Variants in SPICE1 observed in about 807,000 individuals in gnomAD.
SPICE1 encodes spindle and centriole-associated protein 1.
In SPICE1, 75 loss-of-function variants were observed where a neutral mutation model predicts 102.7. The ratio of observed to expected loss-of-function variants is 0.73; its 90% CI spans 0.61 to 0.88. The LOEUF is 0.88. Ranked by LOEUF, SPICE1 falls within the 40% of genes least tolerant of loss-of-function variation. The pLI, the probability that SPICE1 is intolerant of heterozygous loss-of-function variation, is 0.00. For synonymous variants in SPICE1, 308 were observed against 350.3 expected (o/e 0.88, Z 1.35); for missense variants, 979 against 1,020.1 (o/e 0.96, Z 0.55).
intron 7 of SPICE1, among the ~76,000 whole-genome samples, chr3:113,483,357 A>G (rs1312208038): frequency 6.6e-6 from 1 of 152,184 alleles, no homozygotes; most frequent in Non-Finnish European, 1.5e-5. Flanking sequence ...GCAAACAGAG[A>G]CAGTTTGACT....
intron 14 of SPICE1, among the ~76,000 whole-genome samples, chr3:113,450,988 AC>A (rs1935639701): frequency 6.6e-6 from 1 of 152,240 alleles, no homozygotes; most frequent in African/African-American, 2.4e-5. Flanking sequence ...GCAGAGCTGC[AC>A]AAAAGATCAC....
chr3:113,489,450 A>T (rs565094884), intron 6 of SPICE1, among the ~76,000 whole-genome samples: 20 of 152,088 alleles, frequency 1.3e-4, no homozygotes, highest in Non-Finnish European at 2.1e-4. Flanking sequence ...CTCTACTCAA[A>T]CTGCTCTCTA....
intron 7 of SPICE1, among the ~76,000 whole-genome samples, chr3:113,473,539 A>T (rs1187309090): frequency 1.3e-5 from 2 of 152,232 alleles, no homozygotes; most frequent in African/African-American, 4.8e-5. Context: ...CCAGAGAGAA[A>T]GGTCGGGTTA....
intron 1 of SPICE1, among the ~76,000 whole-genome samples, chr3:113,510,722 T>C (rs1327316927): frequency 6.6e-6 from 1 of 152,086 alleles, no homozygotes; most frequent in Admixed American, 6.6e-5. Flanking sequence ...GATTTCATGA[T>C]GAAAATGTCA....
chr3:113,513,700 A>G (rs1937263741), intron 1 of SPICE1, among the ~76,000 whole-genome samples: 1 of 152,180 alleles, frequency 6.6e-6, no homozygotes, highest in South Asian at 2.1e-4. Context: ...TTCCCTAAAA[A>G]TCTCTCTTGC....
In SPICE1 at chr3:113,468,456, G is replaced by C. The variant is rs1254732019; in HGVS notation, c.890-52C>G. The C allele has an allele frequency of 3.9e-6, 6 of 1,557,884 alleles. No homozygotes were observed. In the Admixed American group the frequency reaches 9.1e-5, roughly 24 times the overall value. On this transcript the variant is annotated intron_variant, in intron 9 of 17. Coordinates refer to ENST00000295872, the MANE Select transcript of SPICE1 (RefSeq NM_144718.4). ...TTAAGACCAGGAAAAATTATGACTA[G>C]AAAACTACTAGAAAAATCTTTTGAC...
chr3:113,468,744 T>C lies in SPICE1; in HGVS notation c.889+18A>G, dbSNP rs1186122415. On this transcript the variant is annotated intron_variant, in intron 9 of 17. Transcript: ENST00000295872. ...GTTACATGTTTAATATTCATCTTTG[T>C]AAATTAAGGGACTGAACCTTTATTT... 6.2e-7 allele frequency: 1 copy of C among 1,603,166 alleles called. No individual in the cohort carries two copies. Among genetic ancestry groups the C allele is most frequent in the Non-Finnish European group, 8.5e-7 (1 of 1,176,918 alleles).
At chr3:113,508,514 A>G (rs894560276) in intron 1 of SPICE1, among the ~76,000 whole-genome samples, 1 of 152,206 alleles carries the variant, frequency 6.6e-6, no homozygotes, top group Non-Finnish European at 1.5e-5. Flanking sequence ...AAACACATGA[A>G]AAGATGTTCA....
At chr3:113,467,276 TAAAC>T (rs1277402994) in intron 10 of SPICE1, among the ~76,000 whole-genome samples, 1 of 152,180 alleles carries the variant, frequency 6.6e-6, no homozygotes, top group African/African-American at 2.4e-5. Context: ...GAAATCAAAT[TAAAC>T]AAACAATTCT....
Position 113,461,339 on chromosome 3 carries a change from T to A in SPICE1, c.1288-575A>T, listed in dbSNP as rs575106420. Among the ~76,000 whole-genome samples, 40 of 151,712 alleles carry A rather than the reference T, an allele frequency of 2.6e-4. 1 individual carries two copies. Among genetic ancestry groups the A allele is most frequent in the African/African-American group, 8.7e-4 (36 of 41,466 alleles). Reference sequence around the variant, plus strand: ...TATGTGTGTGTGTATATATATATATTTTTAATATTACATAAGGTTTTTTTT... The same window carrying A: ...TATGTGTGTGTGTATATATATATATATTTAATATTACATAAGGTTTTTTTT... On this transcript the variant is annotated intron_variant, in intron 11 of 17. Transcript: ENST00000295872.
At chr3:113,478,343 T>C (rs1456006880) in intron 7 of SPICE1, among the ~76,000 whole-genome samples, 1 of 152,036 alleles carries the variant, frequency 6.6e-6, no homozygotes, top group African/African-American at 2.4e-5. Flanking sequence ...AGGCTAAATA[T>C]ATTAAACATC....
In SPICE1 at chr3:113,493,216, A is replaced by G. The variant is rs755249468; in HGVS notation, c.482T>C (p.Ile161Thr). The change falls in exon 6 of 18, where the codon ATA (isoleucine) becomes ACA (threonine). Residue 161 changes from isoleucine (I) to threonine (T), a missense_variant. Ile to Thr is a moderately conservative substitution (Grantham distance 89, BLOSUM62 -1). Transcript: ENST00000295872. ...AGTGGAACACATTACCTGAGGTTCT[A>G]TGACAGACTCATTAAAGATAGATTG... ...ITQSIFNESV[I>T]EPQALNDVDG... is the part of the protein sequence containing the mutation. 21 of 1,604,598 alleles carry G rather than the reference A, an allele frequency of 1.3e-5. No individual in the cohort carries two copies. The highest frequency in any genetic ancestry group is 2.7e-5 in the African/African-American group (2 of 74,380).
chr3:113,493,058 CA>C, intron 6 of SPICE1, 147 bp downstream of exon 6: 1 of 562,466 alleles, frequency 1.8e-6, no homozygotes, highest in Non-Finnish European at 3.1e-6. Context: ...ACATTACTCA[CA>C]GAAAGTGCAA....
chr3:113,507,526 C>G (rs2107508501), intron 1 of SPICE1, among the ~76,000 whole-genome samples: 1 of 152,136 alleles, frequency 6.6e-6, no homozygotes. Flanking sequence ...ATAAAAATGT[C>G]TAAATACAAG....
chr3:113,494,763 T>C (rs1427750178), intron 4 of SPICE1, among the ~76,000 whole-genome samples: 1 of 152,238 alleles, frequency 6.6e-6, no homozygotes, highest in Admixed American at 6.5e-5. Flanking sequence ...TAATTAACCT[T>C]GCTCCATGAG....
rs188342330 is a variant in SPICE1, at chr3:113,445,812, T to A, written c.2515-452A>T. Among the ~76,000 whole-genome samples the A allele has an allele frequency of 3.9e-4, 59 of 152,310 alleles. No individual in the cohort carries two copies. In the East Asian group the frequency reaches 5.8e-3, roughly 15 times the overall value. On this transcript the variant is annotated intron_variant, in intron 17 of 17. Transcript: ENST00000295872. ...TCTATCATTCCCCTATCATTTAATA[T>A]CTTTCCCCTATCATTTAATTTGGGC...
intron 11 of SPICE1, among the ~76,000 whole-genome samples, chr3:113,463,522 A>C (rs2107458158): frequency 6.6e-6 from 1 of 152,392 alleles, no homozygotes; most frequent in South Asian, 2.1e-4. Flanking sequence ...CCAAATGTTC[A>C]TTAACTAATG....
At chr3:113,489,629 T>A (rs748163332) in intron 6 of SPICE1, among the ~76,000 whole-genome samples, 10 of 152,072 alleles carry the variant, frequency 6.6e-5, no homozygotes, top group Non-Finnish European at 1.5e-4. Flanking sequence ...GTGGATCACT[T>A]GAGCCCAGGT....
chr3:113,489,041 T>A lies in SPICE1; in HGVS notation c.515A>T (p.Glu172Val). 2 of 1,611,200 alleles carry A rather than the reference T, an allele frequency of 1.2e-6. No individual in the cohort carries two copies. The highest frequency in any genetic ancestry group is 1.7e-6 in the Non-Finnish European group (2 of 1,177,570). The change falls in exon 7 of 18, where the codon GAA becomes GTA. Residue 172 changes from glutamate (E) to valine (V), a missense_variant. Transcript: ENST00000295872. ...EPQALNDVDG[E>V]EEGTVNSQSG... ...CTGGCTATTAACAGTTCCTTCTTCT[T>A]CACCATCTACATCATTAAGAGCCTG...
Sources: gnomAD v4.1 joint callset for allele counts (sites outside exome capture counted in the v4.1 genomes callset) on GRCh38, gnomAD v4.1.1 for gene constraint, MANE v1.5 for transcripts, NCBI Gene and HGNC (gene_info 2026-07-23, HGNC 2026-07-21) for gene names.